CSMD3: variants seen among roughly 807,000 people sequenced by gnomAD.
CSMD3 encodes CUB and Sushi multiple domains 3.
In CSMD3, 177 loss-of-function variants were observed where a neutral mutation model predicts 435.2. The ratio of observed to expected loss-of-function variants is 0.41; its 90% CI spans 0.36 to 0.46. The LOEUF (loss-of-function observed/expected upper bound fraction) is 0.46, where lower values mean the gene tolerates loss of function less well. Among genes scored for constraint, CSMD3 ranks in the 20% least tolerant of loss-of-function variants. The probability of loss-of-function intolerance (pLI) is 0.34; values close to 1 mark genes in which losing one functional copy is unlikely to be tolerated. For missense variants in CSMD3, 4,265 were observed against 4,504.6 expected (o/e 0.95, Z 1.52); for synonymous variants, 1,656 against 1,520.5 (o/e 1.09, Z -2.07).
intron 30 of CSMD3, among the ~76,000 whole-genome samples, chr8:112,500,325 T>A (rs1178773504): frequency 1.3e-5 from 2 of 152,160 alleles, no homozygotes; most frequent in Non-Finnish European, 2.9e-5. Flanking sequence ...AACTAGTTTT[T>A]AGAAAAAGAT....
chr8:112,705,402 T>A lies in CSMD3; in HGVS notation c.1973-15352A>T, dbSNP rs1227322765. 2.0e-5 allele frequency among the ~76,000 whole-genome samples: 3 copies of A among 152,102 alleles called. 1 individual carries two copies. The highest frequency in any genetic ancestry group is 4.1e-4 in the South Asian group (2 of 4,836). On this transcript the variant is annotated intron_variant, in intron 13 of 70. Coordinates refer to ENST00000297405, the MANE Select transcript of CSMD3 (RefSeq NM_198123.2). ...TTAATGCCCCAGCCCAAACCCCTTG[T>A]CTTCTCATTTCTTCACGAATTTAGG...
chr8:112,515,862 T>A (rs1823620343), intron 28 of CSMD3, among the ~76,000 whole-genome samples: 1 of 152,158 alleles, frequency 6.6e-6, no homozygotes, highest in South Asian at 2.1e-4. Context: ...CTTTTTTTTT[T>A]ATTATTTCAC....
At chr8:113,141,774 T>G (rs1260377965) in intron 4 of CSMD3, among the ~76,000 whole-genome samples, 1 of 150,870 alleles carries the variant, frequency 6.6e-6, no homozygotes, top group Non-Finnish European at 1.5e-5. Flanking sequence ...AAGGCAAAAA[T>G]GCCCACCCTC....
At chr8:113,339,108 GAAT>G (rs1223841028) in intron 1 of CSMD3, among the ~76,000 whole-genome samples, 1 of 151,676 alleles carries the variant, frequency 6.6e-6, no homozygotes, top group African/African-American at 2.4e-5. Context: ...CCATATAACA[GAAT>G]AATAAGAATA....
chr8:112,383,475 A>T, intron 37 of CSMD3, 92 bp downstream of exon 37: 1 of 744,626 alleles, frequency 1.3e-6, no homozygotes, highest in Non-Finnish European at 2.4e-6. Flanking sequence ...AGCAAATTAA[A>T]ACTACCAAGT....
At chr8:112,263,939 A>G (rs1423479077) in intron 60 of CSMD3, 127 bp from the exon 61 acceptor site, 1 of 850,722 alleles carries the variant, frequency 1.2e-6, no homozygotes, top group Non-Finnish European at 1.9e-6. Context: ...ATGTTGTGAC[A>G]TATCTTATTC....
At chr8:112,525,820 A>AT (rs1824870828) in intron 27 of CSMD3, among the ~76,000 whole-genome samples, 1 of 117,084 alleles carries the variant, frequency 8.5e-6, no homozygotes, top group Admixed American at 9.6e-5. Context: ...ACACACACAT[A>AT]TAAAAAATAT....
At chr8:112,596,511 C>A (rs577014714) in intron 22 of CSMD3, among the ~76,000 whole-genome samples, 235 of 152,206 alleles carry the variant, frequency 1.5e-3, no homozygotes, top group African/African-American at 5.4e-3. Context: ...CTGCACCAAG[C>A]GGACCTAATA....
At chr8:112,799,236 T>C (rs1329798357) in intron 13 of CSMD3, among the ~76,000 whole-genome samples, 1 of 119,920 alleles carries the variant, frequency 8.3e-6, no homozygotes, top group Admixed American at 9.9e-5. Context: ...AATGAATGTG[T>C]TCTGTCTCTC....
chr8:113,291,092 A>T (rs2093683284), intron 2 of CSMD3, among the ~76,000 whole-genome samples: 1 of 151,588 alleles, frequency 6.6e-6, no homozygotes. Context: ...TTCTAGGGAT[A>T]CTTATGTGAG....
At chr8:112,862,610 A>C (rs2080857964) in intron 10 of CSMD3, among the ~76,000 whole-genome samples, 1 of 151,822 alleles carries the variant, frequency 6.6e-6, no homozygotes, top group Non-Finnish European at 1.5e-5. Context: ...TTTATGTATT[A>C]TGTTTTATAG....
intron 13 of CSMD3, among the ~76,000 whole-genome samples, chr8:112,789,937 T>G (rs951725177): frequency 6.6e-6 from 1 of 151,964 alleles, no homozygotes; most frequent in South Asian, 2.1e-4. Context: ...CTGACAGATA[T>G]TTATTATTCA....
intron 61 of CSMD3, among the ~76,000 whole-genome samples, chr8:112,259,831 T>C (rs909456728): frequency 2.0e-5 from 3 of 152,202 alleles, no homozygotes; most frequent in Non-Finnish European, 4.4e-5. Context: ...TAATACATGC[T>C]TCCCAGTGAA....
At chr8:112,845,746 G>T (rs571446564) in intron 11 of CSMD3, among the ~76,000 whole-genome samples, 156 of 152,170 alleles carry the variant, frequency 1.0e-3, no homozygotes, top group South Asian at 5.6e-3. Flanking sequence ...TGGAAAGCTG[G>T]TTATTAATCC....
At chr8:112,311,901 G>T (rs17637608) in intron 49 of CSMD3, among the ~76,000 whole-genome samples, 1 of 151,780 alleles carries the variant, frequency 6.6e-6, no homozygotes. Context: ...GAAACAAATT[G>T]GACTTAGGAT....
chr8:113,343,342 G>T (rs1226173574), intron 1 of CSMD3, among the ~76,000 whole-genome samples: 2 of 152,102 alleles, frequency 1.3e-5, no homozygotes, highest in African/African-American at 4.8e-5. Context: ...TGTAGAACTT[G>T]GGAGATGGAC....
intron 32 of CSMD3, among the ~76,000 whole-genome samples, chr8:112,411,443 T>A (rs1485036355): frequency 6.6e-6 from 1 of 151,850 alleles, no homozygotes; most frequent in Admixed American, 6.6e-5. Context: ...AGCAATCAAC[T>A]CTGCATTAAT....
At chr8:112,317,642 C>A (rs544584483) in intron 47 of CSMD3, among the ~76,000 whole-genome samples, 2 of 152,126 alleles carry the variant, frequency 1.3e-5, no homozygotes, top group African/African-American at 4.8e-5. Flanking sequence ...GAATTCTCAA[C>A]CAACTTCAAG....
intron 4 of CSMD3, among the ~76,000 whole-genome samples, chr8:113,167,857 T>A (rs1484813549): frequency 6.6e-6 from 1 of 152,220 alleles, no homozygotes; most frequent in South Asian, 2.1e-4. Flanking sequence ...TAGATCTCTA[T>A]GTGAAATGAC....
Sources: gnomAD v4.1 joint callset for allele counts (sites outside exome capture counted in the v4.1 genomes callset) on GRCh38, gnomAD v4.1.1 for gene constraint, MANE v1.5 for transcripts, NCBI Gene and HGNC (gene_info 2026-07-23, HGNC 2026-07-21) for gene names.